Variants in ZC3H13 observed in about 807,000 individuals in gnomAD.
The protein encoded by ZC3H13 is zinc finger CCCH-type containing 13.
A neutral mutation model predicts 204.1 loss-of-function variants in ZC3H13; 64 were observed. That is an observed-to-expected ratio of 0.31 (90% CI 0.26 to 0.39). The LOEUF is 0.39. Ranked by LOEUF, ZC3H13 falls within the 10% of genes least tolerant of loss-of-function variation. ZC3H13 has a pLI of 1.00. For missense variants in ZC3H13, 1,833 were observed against 2,082.7 expected, an observed-to-expected ratio of 0.88 and a Z score of 2.33; for synonymous variants, 667 against 693.7, an observed-to-expected ratio of 0.96 and a Z score of 0.60.
At chr13:45,988,700 A>C in intron 9 of ZC3H13, 87 bp downstream of exon 9, 1 of 1,428,746 alleles carries the variant, frequency 7.0e-7, no homozygotes, top group Non-Finnish European at 9.4e-7. Flanking sequence ...AAGACTTAAC[A>C]TAGCAAAGTC....
chr13:46,004,138 C>CTGTG (rs1390901816), intron 7 of ZC3H13, among the ~76,000 whole-genome samples: 18 of 77,706 alleles, frequency 2.3e-4, no homozygotes, highest in African/African-American at 1.2e-3. Context: ...GAAATGGTAA[C>CTGTG]TCTGTGTGTG....
intron 8 of ZC3H13, among the ~76,000 whole-genome samples, chr13:45,994,510 G>A (rs1362168633): frequency 6.6e-6 from 1 of 152,200 alleles, no homozygotes; most frequent in Admixed American, 6.5e-5. Context: ...TATGAAACGT[G>A]GTTCAAGGTA....
In ZC3H13 at chr13:45,968,703, A is replaced by T. The variant is rs749865680; in HGVS notation, c.3796+45T>A. 5.2e-6 allele frequency: 8 copies of T among 1,524,334 alleles called. No homozygotes were observed. The Admixed American group carries it at 1.1e-4, about 22-fold the overall frequency. The allele number at this position is 1,524,334 out of a possible 1,614,324, so 94.4% of individuals were successfully genotyped here. A position where few individuals can be genotyped will look rare whatever the true frequency, so the allele number is the denominator to read the frequency against. On this transcript the variant is annotated intron_variant, in intron 14 of 18. Transcript: ENST00000679008. ...TAGAATTAAAATGTGTATAAAATAT[A>T]CTAACCTAGGAAACAGTGACTAGAT...
In ZC3H13 at chr13:45,989,062, A is replaced by G. The variant is rs752098751; in HGVS notation, c.980T>C (p.Ile327Thr). ...GGAAGATGAGTGATGTCTAGAAGAT[A>G]TAGGAGAATGATGCTGTCCTGCTGG... The part of the protein sequence containing the change: ...TSPAGQHHSP[I>T]SSRHHSSSSQ... The change falls in exon 9 of 19, where the codon ATA becomes ACA. Residue 327 changes from isoleucine (I) to threonine (T), a missense_variant. Ile to Thr is a moderately conservative substitution (Grantham distance 89, BLOSUM62 -1). This residue lies in a region of ZC3H13 where 1,574 missense variants were observed against 1,757.2 expected (regional missense o/e 0.90). Coordinates refer to ENST00000679008, the MANE Select transcript of ZC3H13 (RefSeq NM_001330564.2). The G allele has an allele frequency of 5.6e-5, 91 of 1,614,072 alleles. No individual in the cohort carries two copies. Among genetic ancestry groups the G allele is most frequent in the Non-Finnish European group, 7.0e-5 (83 of 1,180,026 alleles).
At chr13:46,023,417 T>C (rs962769258) in intron 4 of ZC3H13, among the ~76,000 whole-genome samples, 8 of 152,196 alleles carry the variant, frequency 5.3e-5, no homozygotes, top group African/African-American at 1.9e-4. Flanking sequence ...TCTGGAATTA[T>C]GCAAAACAAA....
At chr13:45,997,075 A>G (rs988555393) in intron 8 of ZC3H13, among the ~76,000 whole-genome samples, 9 of 152,242 alleles carry the variant, frequency 5.9e-5, no homozygotes, top group Admixed American at 2.0e-4. Context: ...TTCTGAAAGC[A>G]CAGTAATAAA....
At chr13:46,044,693 GA>G (rs1390921475) in intron 3 of ZC3H13, among the ~76,000 whole-genome samples, 4 of 151,836 alleles carry the variant, frequency 2.6e-5, no homozygotes, top group African/African-American at 7.3e-5. Flanking sequence ...AATTAGGGGG[GA>G]AAAAGTAAGC....
intron 1 of ZC3H13, among the ~76,000 whole-genome samples, chr13:46,046,406 C>T (rs2043957707): frequency 6.6e-6 from 1 of 151,372 alleles, no homozygotes; most frequent in African/African-American, 2.4e-5. Context: ...TGCCTGTAAT[C>T]CCAGCACTTT....
intron 5 of ZC3H13, among the ~76,000 whole-genome samples, chr13:46,013,741 T>C (rs533137999): frequency 2.0e-4 from 30 of 152,320 alleles, no homozygotes; most frequent in South Asian, 8.3e-4. Flanking sequence ...CTTATAAAAA[T>C]TGATTCACAT....
At chr13:45,985,793 T>G in intron 9 of ZC3H13, 32 bp from the exon 10 acceptor site, 2 of 1,543,790 alleles carry the variant, frequency 1.3e-6, no homozygotes, top group Non-Finnish European at 1.7e-6. Flanking sequence ...TGACTGTAAT[T>G]GCTTTTACAA....
chr13:46,006,036 A>G (rs1027070831), intron 7 of ZC3H13, among the ~76,000 whole-genome samples: 5 of 151,194 alleles, frequency 3.3e-5, no homozygotes, highest in Non-Finnish European at 5.9e-5. Context: ...CAGATGTTGC[A>G]GTGAGCTGAC....
chr13:46,016,725 T>C (rs117125383), intron 5 of ZC3H13, among the ~76,000 whole-genome samples: 5,586 of 152,242 alleles, frequency 0.037, 111 homozygotes, highest in Non-Finnish European at 0.043. Flanking sequence ...CCTCTGAACG[T>C]ATAGTATACT....
intron 4 of ZC3H13, among the ~76,000 whole-genome samples, chr13:46,036,610 T>G (rs2043224128): frequency 6.6e-6 from 1 of 152,172 alleles, no homozygotes; most frequent in Non-Finnish European, 1.5e-5. Context: ...AAAAATTACT[T>G]TTTAGGAACC....
chr13:46,014,933 T>C (rs1199080006), intron 5 of ZC3H13, among the ~76,000 whole-genome samples: 1 of 152,188 alleles, frequency 6.6e-6, no homozygotes, highest in Non-Finnish European at 1.5e-5. Flanking sequence ...TACTTTATCG[T>C]AGCTTACTTA....
chr13:46,023,601 C>A (rs145514014), intron 4 of ZC3H13, among the ~76,000 whole-genome samples: 213 of 152,268 alleles, frequency 1.4e-3, no homozygotes, highest in African/African-American at 5.0e-3. Context: ...TGAAATTATA[C>A]TTGTATTAAT....
chr13:45,980,006 TAAAC>T lies in ZC3H13; in HGVS notation c.1721-6_1721-3del, dbSNP rs762060629. On this transcript the variant is annotated splice_region_variant and splice_polypyrimidine_tract_variant and intron_variant, in intron 10 of 18. Coordinates refer to ENST00000679008, the MANE Select transcript of ZC3H13 (RefSeq NM_001330564.2). ...GAGAACCTCTTGAGCCTCGACTTCC[TAAAC>T]AAAGGATAGACACACAAATGTTTAC... 1.3e-6 allele frequency: 2 copies of T among 1,591,450 alleles called. No individual in the cohort carries two copies. The highest frequency in any genetic ancestry group is 3.4e-4 in the Middle Eastern group (2 of 5,950).
intron 6 of ZC3H13, among the ~76,000 whole-genome samples, chr13:46,010,814 C>G (rs751176213): frequency 6.6e-5 from 10 of 151,674 alleles, no homozygotes; most frequent in Non-Finnish European, 8.8e-5. Flanking sequence ...ATCCCTTGAG[C>G]CCAGGAGTTC....
intron 4 of ZC3H13, among the ~76,000 whole-genome samples, chr13:46,028,087 C>T (rs140722155): frequency 1.4e-3 from 213 of 151,920 alleles, no homozygotes; most frequent in African/African-American, 5.0e-3. Context: ...TACAAGAAAC[C>T]CACATATAAA....
intron 5 of ZC3H13, among the ~76,000 whole-genome samples, chr13:46,015,353 T>C (rs2041848989): frequency 6.6e-6 from 1 of 152,214 alleles, no homozygotes; most frequent in South Asian, 2.1e-4. Flanking sequence ...TTCTTATGTA[T>C]TTGTAGAAAC....
Sources: gnomAD v4.1 joint callset for allele counts (sites outside exome capture counted in the v4.1 genomes callset) on GRCh38, gnomAD v4.1.1 for gene constraint, gnomAD v4.1.1 regional missense constraint, MANE v1.5 for transcripts, NCBI Gene and HGNC (gene_info 2026-07-23, HGNC 2026-07-21) for gene names.